Variants in LRRC7 observed in about 807,000 individuals in gnomAD.
LRRC7 encodes leucine-rich repeat-containing protein 7.
In LRRC7, 23 loss-of-function variants were observed where a neutral mutation model predicts 175.7. The ratio of observed to expected loss-of-function variants is 0.13; its 90% CI spans 0.09 to 0.19. The LOEUF (loss-of-function observed/expected upper bound fraction) is 0.19, where lower values mean the gene tolerates loss of function less well. LRRC7 is among the 10% of genes least tolerant of loss of function. The probability of loss-of-function intolerance (pLI) is 1.00; values close to 1 mark genes in which losing one functional copy is unlikely to be tolerated. For synonymous variants in LRRC7, 685 were observed against 680.9 expected, an observed-to-expected ratio of 1.01 and a Z score of -0.09; for missense variants, 1,354 against 1,904.7, an observed-to-expected ratio of 0.71 and a Z score of 5.38.
In LRRC7 at chr1:70,036,186, C is replaced by G; in HGVS notation, c.2061C>G (p.Thr687=). 2 of 1,613,410 alleles carry G rather than the reference C, an allele frequency of 1.2e-6. No individual in the cohort carries two copies. The highest frequency in any genetic ancestry group is 8.5e-7 in the Non-Finnish European group (1 of 1,179,632). ...AACTTCACCCTTCATTAGCTGAGAC[C>G]CCTCTGTACCCACCCAAACTTGTTC... is the stretch of plus-strand genomic sequence containing the variant. ...IGELHPSLAE[T]PLYPPKLVLL... The change falls in exon 19 of 27, where the codon ACC becomes ACG. Residue 687 remains threonine (T), a synonymous_variant. Coordinates refer to ENST00000651989, the MANE Select transcript of LRRC7 (RefSeq NM_001370785.2).
intron 7 of LRRC7, among the ~76,000 whole-genome samples, chr1:69,902,718 G>A (rs1393700612): frequency 3.9e-5 from 6 of 152,156 alleles, no homozygotes; most frequent in African/African-American, 9.7e-5. Flanking sequence ...TGCTCTTTGA[G>A]CAATTAGCCA....
intron 1 of LRRC7, among the ~76,000 whole-genome samples, chr1:69,615,400 T>C (rs1649452389): frequency 6.6e-6 from 1 of 151,948 alleles, no homozygotes; most frequent in Non-Finnish European, 1.5e-5. Flanking sequence ...CAGGGACTGG[T>C]GATAAGGTGT....
intron 2 of LRRC7, 59 bp downstream of exon 2, chr1:69,678,537 A>G (rs1262630295): frequency 8.6e-7 from 1 of 1,165,940 alleles, no homozygotes; most frequent in Non-Finnish European, 1.3e-6. Context: ...GTAGCATAGT[A>G]AAATGAAATG....
chr1:69,781,572 C>T (rs1015508461), intron 3 of LRRC7, among the ~76,000 whole-genome samples: 3 of 150,614 alleles, frequency 2.0e-5, no homozygotes, highest in Non-Finnish European at 3.0e-5. Context: ...ATCCCAGCTA[C>T]TTGGCAGGCT....
At chr1:69,661,770 T>C (rs981486231) in intron 1 of LRRC7, among the ~76,000 whole-genome samples, 1 of 152,216 alleles carries the variant, frequency 6.6e-6, no homozygotes, top group African/African-American at 2.4e-5. Flanking sequence ...ATGTCATTTA[T>C]ATTCTATGTA....
At chr1:70,016,560 T>C in intron 14 of LRRC7, 26 bp downstream of exon 14, 1 of 1,507,918 alleles carries the variant, frequency 6.6e-7, no homozygotes, top group South Asian at 1.3e-5. Flanking sequence ...GCCTGATTTA[T>C]TTATTAAGAT....
chr1:69,794,697 G>T (rs917718392), intron 4 of LRRC7, among the ~76,000 whole-genome samples: 45 of 152,242 alleles, frequency 3.0e-4, no homozygotes, highest in African/African-American at 8.9e-4. Context: ...TTTTAAAGAA[G>T]ATCTGAAAAT....
At chr1:69,589,936 T>C (rs1426656899) in intron 1 of LRRC7, among the ~76,000 whole-genome samples, 1 of 151,822 alleles carries the variant, frequency 6.6e-6, no homozygotes, top group Non-Finnish European at 1.5e-5. Context: ...TTTCTGACTA[T>C]TATGTCAGAG....
In LRRC7 at chr1:70,038,962, C is replaced by T. The variant is rs1394879247; in HGVS notation, c.3138C>T (p.Leu1046=). ...TCCCAATGCTGGATGATGAGATGCT[C>T]ACCTACGGAAGTAGTAAGGGGCCAC... ...QSVPMLDDEM[L]TYGSSKGPQQ... is the part of the protein sequence containing the mutation. Residue 1046 remains leucine (L), a synonymous_variant, in exon 21 of 27, where the codon CTC becomes CTT. Transcript: ENST00000651989. 5 of 1,613,842 alleles carry T rather than the reference C, an allele frequency of 3.1e-6. No homozygotes were observed. Among genetic ancestry groups the T allele is most frequent in the African/African-American group, 1.3e-5 (1 of 74,874 alleles).
chr1:69,797,921 G>A (rs1038084576), intron 4 of LRRC7, among the ~76,000 whole-genome samples: 2 of 151,778 alleles, frequency 1.3e-5, no homozygotes, highest in African/African-American at 4.8e-5. Flanking sequence ...TTTTTTGTTT[G>A]TTTGTTTGTT....
intron 3 of LRRC7, among the ~76,000 whole-genome samples, chr1:69,761,648 T>C (rs1357470755): frequency 6.6e-6 from 1 of 152,020 alleles, no homozygotes; most frequent in Non-Finnish European, 1.5e-5. Flanking sequence ...ATTGACTACA[T>C]GGATTCACAC....
intron 1 of LRRC7, among the ~76,000 whole-genome samples, chr1:69,660,262 T>C (rs1441944870): frequency 6.6e-6 from 1 of 152,138 alleles, no homozygotes; most frequent in African/African-American, 2.4e-5. Context: ...AACTTCTGTA[T>C]ACTCAATAAT....
intron 7 of LRRC7, chr1:69,919,900 AC>A: frequency 1.1e-5 from 7 of 658,840 alleles, no homozygotes; most frequent in Non-Finnish European, 1.7e-5. Context: ...CAGTGGCCGA[AC>A]CCCCCACTCC....
Position 69,854,260 on chromosome 1 carries a change from G to A in LRRC7, c.647+15977G>A, listed in dbSNP as rs116612657. On this transcript the variant is annotated intron_variant, in intron 7 of 26. Coordinates refer to ENST00000651989, the MANE Select transcript of LRRC7 (RefSeq NM_001370785.2). ...GGTCTGTAATCCTAGCACTTTGGGA[G>A]GCTGAGGTGGGAAGATCACTTCAGG... 7.8e-3 allele frequency among the ~76,000 whole-genome samples: 1,188 copies of A among 152,246 alleles called. 16 individuals are homozygous for A. Among genetic ancestry groups the A allele is most frequent in the African/African-American group, 0.027 (1,132 of 41,530 alleles).
At position 70,077,358 on chromosome 1, in the gene LRRC7, A is replaced by G. The variant is rs566640334; in HGVS notation, c.4452+1060A>G. Among the ~76,000 whole-genome samples the G allele has an allele frequency of 8.5e-5, 13 of 152,312 alleles. No individual in the cohort carries two copies. The East Asian group carries it at 2.5e-3, about 29-fold the overall frequency. ...TAGTCTAGGTCAAGTGTTGAATTTA[A>G]GGTATCATAAACCAGACAGGTGCCT... is the stretch of plus-strand genomic sequence containing the variant. On this transcript the variant is annotated intron_variant, in intron 24 of 26. Transcript: ENST00000651989.
intron 7 of LRRC7, among the ~76,000 whole-genome samples, chr1:69,867,810 T>A (rs1182206337): frequency 6.6e-6 from 1 of 152,144 alleles, no homozygotes; most frequent in Non-Finnish European, 1.5e-5. Flanking sequence ...GGTGAATTAT[T>A]ATGCTATAAA....
intron 16 of LRRC7, among the ~76,000 whole-genome samples, chr1:70,021,968 T>C (rs1428366544): frequency 1.3e-5 from 2 of 152,176 alleles, no homozygotes; most frequent in Non-Finnish European, 2.9e-5. Context: ...TAATTGCATA[T>C]GTGTTCTATT....
rs559197279 is a variant in LRRC7 at position 69,636,327 on chromosome 1, G to C, written c.3-42054G>C. ...TTCTTAGGCAAAATGAGAATTCAAA[G>C]TCCAGCTGCATTTTAGAATATATTC... is the stretch of plus-strand genomic sequence containing the variant. On this transcript the variant is annotated intron_variant, in intron 1 of 26. Coordinates refer to ENST00000651989, the MANE Select transcript of LRRC7 (RefSeq NM_001370785.2). 2.0e-5 allele frequency among the ~76,000 whole-genome samples: 3 copies of C among 151,892 alleles called. No homozygotes were observed. The East Asian group carries it at 5.8e-4, about 29-fold the overall frequency.
At chr1:70,033,796 T>C (rs993819170) in intron 18 of LRRC7, among the ~76,000 whole-genome samples, 4 of 152,304 alleles carry the variant, frequency 2.6e-5, no homozygotes, top group Admixed American at 1.3e-4. Flanking sequence ...CCCATAATTA[T>C]GTTAACATTC....
Sources: gnomAD v4.1 joint callset for allele counts (sites outside exome capture counted in the v4.1 genomes callset) on GRCh38, gnomAD v4.1.1 for gene constraint, MANE v1.5 for transcripts, NCBI Gene and HGNC (gene_info 2026-07-23, HGNC 2026-07-21) for gene names.